TMEM177: variants seen among roughly 807,000 people sequenced by gnomAD.
The protein encoded by TMEM177 is transmembrane protein 177.
A neutral mutation model predicts 14.2 loss-of-function variants in TMEM177; 4 were observed. The observed-to-expected ratio is 0.28, with a 90% confidence interval of 0.14 to 0.64. The LOEUF (loss-of-function observed/expected upper bound fraction) is 0.64, where lower values mean the gene tolerates loss of function less well. Ranked by LOEUF, TMEM177 falls within the 30% of genes least tolerant of loss-of-function variation. TMEM177 has a pLI of 0.82. For synonymous variants in TMEM177, 179 were observed against 174.5 expected (o/e 1.03, Z -0.20); for missense variants, 344 against 405.2 (o/e 0.85, Z 1.30).
the TMEM177 span, among the ~76,000 whole-genome samples, chr2:119,710,476 C>T: frequency 2.0e-5 from 3 of 152,198 alleles, no homozygotes; most frequent in Admixed American, 1.3e-4. Flanking sequence ...CAGCAGGTTT[C>T]CTGGCCTGTC....
the TMEM177 span, among the ~76,000 whole-genome samples, chr2:119,693,994 C>T: frequency 1.7e-4 from 1 of 5,738 alleles, no homozygotes; most frequent in Non-Finnish European, 4.0e-4. Context: ...ATACACCACA[C>T]ACCACATACG....
chr2:119,693,792 G>A, the TMEM177 span, among the ~76,000 whole-genome samples: 1 of 133,908 alleles, frequency 7.5e-6, no homozygotes, highest in East Asian at 2.3e-4. Context: ...TGCAGTCACA[G>A]AAGACACACA....
chr2:119,716,818 TG>T, the TMEM177 span, among the ~76,000 whole-genome samples: 1 of 152,342 alleles, frequency 6.6e-6, no homozygotes, highest in East Asian at 1.9e-4. Context: ...GTCTACTCAA[TG>T]GGTATGATTC....
the TMEM177 span, among the ~76,000 whole-genome samples, chr2:119,704,604 TAAA>T: frequency 3.4e-3 from 512 of 152,094 alleles, 4 homozygotes; most frequent in Non-Finnish European, 4.8e-3. Context: ...GTGCTTCTGA[TAAA>T]GAAGAAGGGG....
the TMEM177 span, among the ~76,000 whole-genome samples, chr2:119,694,347 C>A: frequency 4.6e-5 from 7 of 151,982 alleles, 1 homozygote; most frequent in African/African-American, 1.5e-4. Flanking sequence ...CACACACACA[C>A]CCACACACAC....
In TMEM177 at chr2:119,681,220, G is replaced by C. The variant is rs1688890460; in HGVS notation, c.367G>C (p.Val123Leu). Residue 123 changes from valine (V) to leucine (L), a missense_variant, in exon 2 of 2, where the codon GTC becomes CTC. Coordinates refer to ENST00000272521, the MANE Select transcript of TMEM177 (RefSeq NM_030577.3). ...AGTGATCAACACTAACCATCCCGTG[G>C]TCATACATGGGCATACAGTGGACTG... is the stretch of plus-strand genomic sequence containing the variant. ...DLVINTNHPV[V>L]IHGHTVDWRS... is the part of the protein sequence containing the mutation. 1 of 1,614,130 alleles carries C rather than the reference G, an allele frequency of 6.2e-7. No individual in the cohort carries two copies. Among genetic ancestry groups the C allele is most frequent in the Non-Finnish European group, 8.5e-7 (1 of 1,180,048 alleles).
At chr2:119,699,272 A>G in the TMEM177 span, among the ~76,000 whole-genome samples, 87,087 of 152,038 alleles carry the variant, frequency 0.57, 25,287 homozygotes, top group East Asian at 0.69. Context: ...GATGGCAGGA[A>G]GAGAAGTGCC....
At chr2:119,708,102 T>C in the TMEM177 span, among the ~76,000 whole-genome samples, 2 of 152,196 alleles carry the variant, frequency 1.3e-5, no homozygotes, top group Non-Finnish European at 2.9e-5. Context: ...CTCAGGGTTG[T>C]GTGTTTGGCT....
At chr2:119,700,687 C>G in the TMEM177 span, among the ~76,000 whole-genome samples, 1 of 152,176 alleles carries the variant, frequency 6.6e-6, no homozygotes, top group African/African-American at 2.4e-5. Context: ...CTCCCAGATT[C>G]AATGACAAGA....
downstream of TMEM177, among the ~76,000 whole-genome samples, chr2:119,690,486 C>T (rs1025623399): frequency 1.3e-5 from 2 of 152,186 alleles, no homozygotes; most frequent in African/African-American, 2.4e-5. Context: ...ACCTCTCCTA[C>T]CCTCTCCCCA....
At chr2:119,693,862 ATG>A in the TMEM177 span, among the ~76,000 whole-genome samples, 1 of 1,078 alleles carries the variant, frequency 9.3e-4, no homozygotes, top group Non-Finnish European at 2.1e-3. Context: ...CACACATCAC[ATG>A]CCACAAACAC....
At chr2:119,714,462 A>G in the TMEM177 span, among the ~76,000 whole-genome samples, 1 of 152,230 alleles carries the variant, frequency 6.6e-6, no homozygotes. Flanking sequence ...CATTTCCGAG[A>G]CATGAGCTCA....
the TMEM177 span, among the ~76,000 whole-genome samples, chr2:119,722,336 C>G: frequency 2.7e-5 from 4 of 150,254 alleles, no homozygotes; most frequent in East Asian, 5.8e-4. Context: ...GAGCTATGAT[C>G]GTACCACAGC....
At chr2:119,718,115 A>G in the TMEM177 span, among the ~76,000 whole-genome samples, 5 of 152,294 alleles carry the variant, frequency 3.3e-5, no homozygotes, top group South Asian at 1.0e-3. Context: ...CAGAATTTTT[A>G]TCTTAAATCA....
chr2:119,694,146 CCA>C, the TMEM177 span, among the ~76,000 whole-genome samples: 1 of 76,744 alleles, frequency 1.3e-5, no homozygotes, highest in African/African-American at 4.9e-5. Flanking sequence ...ATTGCACGTA[CCA>C]CACACATGCA....
the TMEM177 span, chr2:119,699,641 C>A: frequency 4.8e-5 from 8 of 168,180 alleles, no homozygotes; most frequent in Admixed American, 1.3e-4. Context: ...AGGGTGCAAG[C>A]CGGTTGGAGT....
At chr2:119,680,648 A>G (rs1688870046) in intron 1 of TMEM177, among the ~76,000 whole-genome samples, 184 bp from the exon 2 acceptor site, 2 of 152,200 alleles carry the variant, frequency 1.3e-5, no homozygotes. Context: ...TGTTTGGCAC[A>G]TGGGGAAATT....
chr2:119,690,553 A>G (rs1689078228), downstream of TMEM177, among the ~76,000 whole-genome samples: 1 of 152,202 alleles, frequency 6.6e-6, no homozygotes, highest in Admixed American at 6.5e-5. Context: ...CAAAGGCTGC[A>G]GGGCCTAAGC....
Position 119,681,672 on chromosome 2 carries a change from A to G in TMEM177, c.819A>G (p.Thr273=). Residue 273 remains threonine (T), a synonymous_variant, in exon 2 of 2, where the codon ACA becomes ACG. Coordinates refer to ENST00000272521, the MANE Select transcript of TMEM177 (RefSeq NM_030577.3). The stretch of plus-strand genomic sequence containing the variant: ...GCAAAGACGGGGAGAAGCTGTATAC[A>G]CCCAGCGGGAACATCGTCCCCAGAC... ...LLGKDGEKLY[T]PSGNIVPRHL... 1 of 1,614,148 alleles carries G rather than the reference A, an allele frequency of 6.2e-7. No individual in the cohort carries two copies. The highest frequency in any genetic ancestry group is 1.6e-4 in the Middle Eastern group (1 of 6,062).
Sources: gnomAD v4.1 joint callset for allele counts (sites outside exome capture counted in the v4.1 genomes callset) on GRCh38, gnomAD v4.1.1 for gene constraint, MANE v1.5 for transcripts, NCBI Gene and HGNC (gene_info 2026-07-23, HGNC 2026-07-21) for gene names.